The following PLOD2 variants were observed in gnomAD, a reference collection of about 807,000 sequenced individuals.
PLOD2 encodes procollagen-lysine,2-oxoglutarate 5-dioxygenase 2.
Under a neutral mutation model 101.0 loss-of-function variants are expected in PLOD2, and 65 were observed. The ratio of observed to expected loss-of-function variants is 0.64; its 90% CI spans 0.53 to 0.79. PLOD2 has a LOEUF of 0.79. PLOD2 is among the 30% of genes least tolerant of loss of function. The pLI is 0.00. For missense variants in PLOD2, 909 were observed against 914.6 expected, an observed-to-expected ratio of 0.99 and a Z score of 0.08; for synonymous variants, 314 against 302.9, an observed-to-expected ratio of 1.04 and a Z score of -0.38.
At chr3:146,114,495 T>C (rs1937807370) in intron 3 of PLOD2, among the ~76,000 whole-genome samples, 1 of 152,054 alleles carries the variant, frequency 6.6e-6, no homozygotes, top group Non-Finnish European at 1.5e-5. Flanking sequence ...ATACTCTCAG[T>C]GGAGCAGCCA....
At chr3:146,150,430 A>G (rs888599652) in intron 1 of PLOD2, among the ~76,000 whole-genome samples, 1 of 152,180 alleles carries the variant, frequency 6.6e-6, no homozygotes, top group Non-Finnish European at 1.5e-5. Context: ...TTGCGAGAAC[A>G]TGGATGGAGC....
chr3:146,070,363 CT>C lies in PLOD2; in HGVS notation c.*353del, dbSNP rs980783990. 6.4e-6 allele frequency: 1 copy of C among 155,862 alleles called. No homozygotes were observed. The highest frequency in any genetic ancestry group is 1.4e-5 in the Non-Finnish European group (1 of 70,792). The allele number at this position is 155,862 out of a possible 1,614,324, so 9.7% of individuals were successfully genotyped here. On this transcript the variant is annotated 3_prime_UTR_variant, in exon 20 of 20. Transcript: ENST00000282903. ...TTTGATAAATAAAAATCTTCCCATG[CT>C]TTTTTTAAATAAGAAAATATTATTA...
intron 3 of PLOD2, among the ~76,000 whole-genome samples, chr3:146,118,772 G>C (rs1178635488): frequency 6.6e-6 from 1 of 152,094 alleles, no homozygotes; most frequent in Non-Finnish European, 1.5e-5. Flanking sequence ...TTCTTTCTTA[G>C]TAACACAGGC....
At chr3:146,109,081 A>G (rs937844636) in intron 4 of PLOD2, among the ~76,000 whole-genome samples, 2 of 152,240 alleles carry the variant, frequency 1.3e-5, no homozygotes, top group African/African-American at 4.8e-5. Flanking sequence ...ACGGTTCACA[A>G]GCTGGAAATC....
intron 8 of PLOD2, among the ~76,000 whole-genome samples, chr3:146,091,365 GTTA>G (rs1407281054): frequency 1.3e-5 from 2 of 151,864 alleles, no homozygotes; most frequent in South Asian, 2.1e-4. Context: ...GTTTAAATGA[GTTA>G]TTATATGTAA....
chr3:146,080,982 C>A (rs13066226), intron 12 of PLOD2, among the ~76,000 whole-genome samples: 4,151 of 152,032 alleles, frequency 0.027, 103 homozygotes, highest in Non-Finnish European at 0.037. Flanking sequence ...AAGGGCACAT[C>A]CTTTTAGTCC....
chr3:146,110,677 T>C (rs1440621057), intron 3 of PLOD2, among the ~76,000 whole-genome samples: 3 of 152,208 alleles, frequency 2.0e-5, no homozygotes, highest in Admixed American at 1.3e-4. Flanking sequence ...AAAAGTCAGC[T>C]TTTTTAGTGT....
chr3:146,111,957 G>C lies in PLOD2; in HGVS notation c.339-1509C>G, dbSNP rs920774512. On this transcript the variant is annotated intron_variant, in intron 3 of 19. Coordinates refer to ENST00000282903, the MANE Select transcript of PLOD2 (RefSeq NM_182943.3). The stretch of plus-strand genomic sequence containing the variant: ...CTCTGAAAGAGCGACTACCATGCGA[G>C]TGATAAACAGACCCTTTGTGCATTG... Among the ~76,000 whole-genome samples, 3 of 152,134 alleles carry C rather than the reference G, an allele frequency of 2.0e-5. No homozygotes were observed. In the East Asian group the frequency reaches 5.8e-4, roughly 29 times the overall value.
intron 1 of PLOD2, among the ~76,000 whole-genome samples, chr3:146,144,846 T>C (rs1313244138): frequency 1.3e-5 from 1 of 78,462 alleles, no homozygotes; most frequent in Non-Finnish European, 2.5e-5. Context: ...CATGAAGATA[T>C]ACAAACAAAA....
rs1159310665 is a variant in PLOD2, at chr3:146,073,405, A to G, written c.1678-53T>C. On this transcript the variant is annotated intron_variant, in intron 15 of 19. Coordinates refer to ENST00000282903, the MANE Select transcript of PLOD2 (RefSeq NM_182943.3). Reference sequence around the variant, plus strand: ...AATATCTTTATAAATACTTCACTGAAAAGTATAAAGCATATGCATTTTAGA... The same window carrying G: ...AATATCTTTATAAATACTTCACTGAGAAGTATAAAGCATATGCATTTTAGA... The G allele has an allele frequency of 7.4e-6, 5 of 677,198 alleles. No homozygotes were observed. In the East Asian group the frequency reaches 1.1e-4, roughly 15 times the overall value. The allele number at this position is 677,198 out of a possible 1,614,324, so 41.9% of individuals were successfully genotyped here.
chr3:146,138,031 A>C (rs1157002482), intron 1 of PLOD2, among the ~76,000 whole-genome samples: 2 of 152,138 alleles, frequency 1.3e-5, no homozygotes, highest in Non-Finnish European at 2.9e-5. Context: ...TTCATTATTC[A>C]AAAGACAGGA....
intron 8 of PLOD2, among the ~76,000 whole-genome samples, chr3:146,089,597 C>T (rs568191612): frequency 6.6e-6 from 1 of 151,382 alleles, no homozygotes; most frequent in South Asian, 2.1e-4. Flanking sequence ...GAATTAGCAA[C>T]CTTCTTCCAT....
At chr3:146,112,574 C>T (rs12695808) in intron 3 of PLOD2, among the ~76,000 whole-genome samples, 76,366 of 151,616 alleles carry the variant, frequency 0.5, 19,298 homozygotes, top group East Asian at 0.56. Context: ...TAGATGAGGC[C>T]GGGCACAGTG....
chr3:146,138,937 C>A (rs1470640834), intron 1 of PLOD2, among the ~76,000 whole-genome samples: 3 of 152,086 alleles, frequency 2.0e-5, no homozygotes, highest in Non-Finnish European at 4.4e-5. Context: ...CATATTTGAA[C>A]CGAGAAAGAC....
chr3:146,121,152 A>G lies in PLOD2; in HGVS notation c.298T>C (p.Tyr100His). 6.2e-7 allele frequency: 1 copy of G among 1,608,620 alleles called. No homozygotes were observed. Among genetic ancestry groups the G allele is most frequent in the Non-Finnish European group, 8.5e-7 (1 of 1,175,164 alleles). ...VRLMKEVMEH[Y>H]ADQDDLVVMF... is the part of the protein sequence containing the mutation. ...ACAACCAGATCATCTTGATCAGCATAGTGTTCCATGACTTCTTTCATTAAT... is the reference window on the plus strand; with the variant it reads ...ACAACCAGATCATCTTGATCAGCATGGTGTTCCATGACTTCTTTCATTAAT... Residue 100 changes from tyrosine to histidine, a missense_variant, in exon 3 of 20, where the codon TAT (tyrosine) becomes CAT (histidine). Physicochemically the swap from Tyr to His is moderately conservative, Grantham distance 83 (BLOSUM62 2). Transcript: ENST00000282903.
intron 1 of PLOD2, among the ~76,000 whole-genome samples, chr3:146,128,923 A>T (rs2030746187): frequency 9.7e-6 from 1 of 102,758 alleles, no homozygotes; most frequent in Admixed American, 1.6e-4. Context: ...ACGGAGTCTC[A>T]GTGGCACTGA....
intron 6 of PLOD2, 99 bp downstream of exon 6, chr3:146,104,180 C>T: frequency 1.3e-6 from 1 of 790,054 alleles, no homozygotes. Context: ...CACTGTCGAC[C>T]TTAGTCACAG....
chr3:146,070,919 T>C, intron 19 of PLOD2, 47 bp from the exon 20 acceptor site: 6 of 1,551,580 alleles, frequency 3.9e-6, no homozygotes, highest in Non-Finnish European at 5.3e-6. Context: ...ATTTAACCAG[T>C]GGCAAAATTC....
At chr3:146,125,534 A>ACTC (rs1466580650) in intron 1 of PLOD2, among the ~76,000 whole-genome samples, 2 of 152,014 alleles carry the variant, frequency 1.3e-5, no homozygotes, top group African/African-American at 4.8e-5. Context: ...ATCACTTGAG[A>ACTC]GCAGCAGTTT....
Sources: gnomAD v4.1 joint callset for allele counts (sites outside exome capture counted in the v4.1 genomes callset) on GRCh38, gnomAD v4.1.1 for gene constraint, MANE v1.5 for transcripts, NCBI Gene and HGNC (gene_info 2026-07-23, HGNC 2026-07-21) for gene names.